Variants in CCSER1 observed in about 807,000 individuals in gnomAD.
The protein encoded by CCSER1 is coiled-coil serine rich protein 1.
Under a neutral mutation model 82.0 loss-of-function variants are expected in CCSER1, and 41 were observed. The ratio of observed to expected loss-of-function variants is 0.50; its 90% CI spans 0.39 to 0.65. The LOEUF is 0.65. Among genes scored for constraint, CCSER1 ranks in the 30% least tolerant of loss-of-function variants. CCSER1 has a pLI of 0.00. For synonymous variants in CCSER1, 414 were observed against 383.9 expected (o/e 1.08, Z -0.92); for missense variants, 1,119 against 1,064.2 (o/e 1.05, Z -0.72).
chr4:91,501,966 G>C lies in CCSER1; in HGVS notation c.2218-96606G>C, dbSNP rs562729154. Among the ~76,000 whole-genome samples, 206 of 152,246 alleles carry C rather than the reference G, an allele frequency of 1.4e-3. 1 individual carries two copies. Among genetic ancestry groups the C allele is most frequent in the Admixed American group, 5.7e-3 (87 of 15,280 alleles). ...CACAGTTCATCTTAGATTTACCTGG[G>C]TTGTCCATTTGTGTTAGTTAATTGG... is the stretch of plus-strand genomic sequence containing the variant. On this transcript the variant is annotated intron_variant, in intron 10 of 10. Coordinates refer to ENST00000509176, the MANE Select transcript of CCSER1 (RefSeq NM_001145065.2).
intron 3 of CCSER1, among the ~76,000 whole-genome samples, chr4:90,342,086 A>G (rs973793515): frequency 1.3e-5 from 2 of 152,172 alleles, no homozygotes; most frequent in Non-Finnish European, 2.9e-5. Context: ...TAATAAGACA[A>G]TTATTTTCTT....
At chr4:90,790,032 C>G (rs1755025298) in intron 7 of CCSER1, among the ~76,000 whole-genome samples, 1 of 152,128 alleles carries the variant, frequency 6.6e-6, no homozygotes, top group African/African-American at 2.4e-5. Context: ...ATTCTTGACT[C>G]TCCCTTCTCA....
intron 1 of CCSER1, among the ~76,000 whole-genome samples, chr4:90,162,469 T>C (rs539291485): frequency 1.3e-5 from 2 of 152,270 alleles, no homozygotes; most frequent in South Asian, 4.1e-4. Flanking sequence ...ATGCTTGTAC[T>C]TATCCCACTG....
intron 7 of CCSER1, among the ~76,000 whole-genome samples, chr4:90,767,195 G>T (rs1327153090): frequency 6.6e-6 from 1 of 152,084 alleles, no homozygotes; most frequent in East Asian, 1.9e-4. Context: ...CAGATTCATT[G>T]TCCTGCTTGT....
chr4:91,113,923 G>C (rs1354811576), intron 10 of CCSER1, among the ~76,000 whole-genome samples: 1 of 151,732 alleles, frequency 6.6e-6, no homozygotes, highest in African/African-American at 2.4e-5. Context: ...CGCGATCTCG[G>C]CTCACTGCAA....
intron 10 of CCSER1, among the ~76,000 whole-genome samples, chr4:91,385,455 G>C (rs910142101): frequency 1.3e-5 from 2 of 151,954 alleles, no homozygotes; most frequent in African/African-American, 4.8e-5. Flanking sequence ...GAGGAACAGG[G>C]GAGCTCCTGA....
At chr4:90,154,079 T>C (rs1336053937) in intron 1 of CCSER1, among the ~76,000 whole-genome samples, 2 of 152,202 alleles carry the variant, frequency 1.3e-5, no homozygotes, top group Non-Finnish European at 2.9e-5. Flanking sequence ...GGGATCCAGT[T>C]TCAGCTTTCT....
At chr4:90,492,346 G>T (rs559755525) in intron 5 of CCSER1, among the ~76,000 whole-genome samples, 1 of 152,118 alleles carries the variant, frequency 6.6e-6, no homozygotes, top group South Asian at 2.1e-4. Flanking sequence ...TTGTATATCT[G>T]TGGGATTGGT....
At chr4:90,870,020 A>G (rs546788991) in intron 8 of CCSER1, among the ~76,000 whole-genome samples, 1 of 151,984 alleles carries the variant, frequency 6.6e-6, no homozygotes, top group Non-Finnish European at 1.5e-5. Flanking sequence ...AGCATCAAGA[A>G]ATGCACAGAT....
chr4:90,146,679 A>G lies in CCSER1; in HGVS notation c.-42+18848A>G, dbSNP rs139516765. Among the ~76,000 whole-genome samples the G allele has an allele frequency of 4.3e-4, 65 of 152,216 alleles. 1 individual carries two copies. The East Asian group carries it at 0.012, about 28-fold the overall frequency. On this transcript the variant is annotated intron_variant, in intron 1 of 10. Transcript: ENST00000509176. ...TAGCTAATTTTGATACAATTGGATT[A>G]TGTTCATAAAATACCTTAATAATTT... is the stretch of plus-strand genomic sequence containing the variant.
intron 6 of CCSER1, among the ~76,000 whole-genome samples, chr4:90,718,347 A>C (rs990594793): frequency 6.6e-6 from 1 of 152,126 alleles, no homozygotes; most frequent in African/African-American, 2.4e-5. Context: ...TCACTTCAAG[A>C]AATCCTTATA....
chr4:90,887,267 T>A (rs187415737), intron 8 of CCSER1, among the ~76,000 whole-genome samples: 1 of 152,228 alleles, frequency 6.6e-6, no homozygotes, highest in East Asian at 1.9e-4. Context: ...CCTTTTCTAT[T>A]TTTGAGAAGA....
At position 90,151,836 on chromosome 4, in the gene CCSER1, G is replaced by C. The variant is rs527961087; in HGVS notation, c.-42+24005G>C. 3.9e-5 allele frequency among the ~76,000 whole-genome samples: 6 copies of C among 152,172 alleles called. No individual in the cohort carries two copies. The South Asian group carries it at 1.2e-3, about 32-fold the overall frequency. ...ACATTTACACAGTGAAAGATAACAA[G>C]ATGAGTTAGACATGGATCTGGCATT... On this transcript the variant is annotated intron_variant, in intron 1 of 10. Transcript: ENST00000509176.
chr4:91,223,674 G>T (rs957252889), intron 10 of CCSER1, among the ~76,000 whole-genome samples: 7 of 152,010 alleles, frequency 4.6e-5, no homozygotes, highest in Non-Finnish European at 8.8e-5. Flanking sequence ...AAGGGCAAAT[G>T]GTGGGAAGAT....
intron 10 of CCSER1, among the ~76,000 whole-genome samples, chr4:91,583,008 T>C (rs1417158784): frequency 1.3e-5 from 2 of 151,424 alleles, no homozygotes; most frequent in Admixed American, 1.3e-4. Context: ...CCATACTGTA[T>C]ATCGTTGTAT....
rs28857479 is a variant in CCSER1, at chr4:90,268,783, G to A, written c.-41-39461G>A. Among the ~76,000 whole-genome samples the A allele has an allele frequency of 6.3e-3, 950 of 151,880 alleles. 8 individuals carry two copies. The highest frequency in any genetic ancestry group is 0.022 in the African/African-American group (923 of 41,438). On this transcript the variant is annotated intron_variant, in intron 1 of 10. Transcript: ENST00000509176. Reference sequence around the variant, plus strand: ...AATGAATGAAAAAACAAGACCAAACGATCTGTTGCCTACAAGAAATGTACT... The same window carrying A: ...AATGAATGAAAAAACAAGACCAAACAATCTGTTGCCTACAAGAAATGTACT...
chr4:90,488,643 G>A (rs1767504945), intron 5 of CCSER1, among the ~76,000 whole-genome samples: 1 of 152,156 alleles, frequency 6.6e-6, no homozygotes, highest in Admixed American at 6.6e-5. Flanking sequence ...TGGGAAATGA[G>A]ACAACATGAA....
chr4:91,385,559 C>CA (rs1432616034), intron 10 of CCSER1, among the ~76,000 whole-genome samples: 1 of 148,958 alleles, frequency 6.7e-6, no homozygotes, highest in Non-Finnish European at 1.5e-5. Context: ...AGGAAGTAAA[C>CA]AAAAAACTAA....
intron 9 of CCSER1, among the ~76,000 whole-genome samples, chr4:91,010,025 A>T (rs765286324): frequency 2.6e-5 from 4 of 152,012 alleles, no homozygotes; most frequent in Non-Finnish European, 4.4e-5. Context: ...TGTTATATCT[A>T]GTGTTCTTTT....
Sources: gnomAD v4.1 joint callset for allele counts (sites outside exome capture counted in the v4.1 genomes callset) on GRCh38, gnomAD v4.1.1 for gene constraint, MANE v1.5 for transcripts, NCBI Gene and HGNC (gene_info 2026-07-23, HGNC 2026-07-21) for gene names.